Variants in DGKI observed in about 807,000 individuals in gnomAD.
DGKI encodes DAG kinase iota.
Under a neutral mutation model 147.5 loss-of-function variants are expected in DGKI, and 55 were observed. The ratio of observed to expected loss-of-function variants is 0.37; its 90% confidence interval spans 0.30 to 0.47. The LOEUF is 0.47. Ranked by LOEUF, DGKI falls within the 20% of genes least tolerant of loss-of-function variation. The pLI is 1.00. For missense variants in DGKI, 1,007 were observed against 1,323.8 expected (o/e 0.76, Z 3.71); for synonymous variants, 469 against 477.1 (o/e 0.98, Z 0.22).
At chr7:137,429,673 C>G (rs1421547275) in intron 28 of DGKI, among the ~76,000 whole-genome samples, 1 of 150,828 alleles carries the variant, frequency 6.6e-6, no homozygotes, top group Admixed American at 6.6e-5. Flanking sequence ...GGGCTAATAT[C>G]CAGAATCTAC....
intron 1 of DGKI, among the ~76,000 whole-genome samples, chr7:137,702,474 C>A (rs1585387778): frequency 1.3e-5 from 2 of 152,220 alleles, no homozygotes; most frequent in South Asian, 4.1e-4. Flanking sequence ...CAATAATGGG[C>A]AAAATCATTT....
Position 137,577,291 on chromosome 7 carries a change from C to A in DGKI, c.1699-7G>T. 3.8e-6 allele frequency: 6 copies of A among 1,585,606 alleles called. No homozygotes were observed. Among genetic ancestry groups the A allele is most frequent in the Non-Finnish European group, 5.2e-6 (6 of 1,159,898 alleles). Reference sequence around the variant, plus strand: ...GGAAGTCAGAAAAAGCTGCCTATACCACAGGGAAATAAAGAAGAAGAAATT... The same window carrying A: ...GGAAGTCAGAAAAAGCTGCCTATACAACAGGGAAATAAAGAAGAAGAAATT... On this transcript the variant is annotated splice_polypyrimidine_tract_variant and splice_region_variant and intron_variant, in intron 16 of 32. Coordinates refer to ENST00000614521, the MANE Select transcript of DGKI (RefSeq NM_001321708.2).
intron 1 of DGKI, among the ~76,000 whole-genome samples, chr7:137,704,479 A>T (rs992562151): frequency 6.6e-6 from 1 of 152,174 alleles, no homozygotes; most frequent in Admixed American, 6.5e-5. Context: ...AGACAGGAAA[A>T]AAAAGGGGAT....
At chr7:137,821,219 C>T (rs1797887355) in intron 1 of DGKI, among the ~76,000 whole-genome samples, 1 of 152,084 alleles carries the variant, frequency 6.6e-6, no homozygotes. Context: ...GCTTCACGTC[C>T]GTAGTTACTG....
rs187419512 is a variant in DGKI, at chr7:137,638,452, A to G, written c.804+7020T>C. ...ACTATATATATATATATACACACAC[A>G]CATATATATGTGTGTATATATGTGT... On this transcript the variant is annotated intron_variant, in intron 6 of 32. Transcript: ENST00000614521. Among the ~76,000 whole-genome samples, 365 of 87,970 alleles carry G rather than the reference A, an allele frequency of 4.1e-3. 11 individuals are homozygous for G. Among genetic ancestry groups the G allele is most frequent in the African/African-American group, 0.016 (340 of 21,154 alleles). The allele number at this position is 87,970 out of a possible 152,430, so 57.7% of individuals were successfully genotyped here. A position where few individuals can be genotyped will look rare whatever the true frequency, so the allele number is the denominator to read the frequency against.
intron 1 of DGKI, among the ~76,000 whole-genome samples, chr7:137,772,788 A>G (rs940619928): frequency 2.6e-5 from 4 of 152,244 alleles, no homozygotes; most frequent in African/African-American, 9.6e-5. Context: ...TATTGTTTGC[A>G]TTAAAAGTTA....
intron 14 of DGKI, among the ~76,000 whole-genome samples, chr7:137,582,434 C>CTCTCTATATA (rs954743154): frequency 2.7e-5 from 4 of 148,382 alleles, no homozygotes; most frequent in African/African-American, 1.0e-4. Flanking sequence ...CTCTCTCTCT[C>CTCTCTATATA]TATATATATA....
chr7:137,813,778 G>A (rs748234606), intron 1 of DGKI, among the ~76,000 whole-genome samples: 39 of 152,202 alleles, frequency 2.6e-4, no homozygotes, highest in Admixed American at 2.4e-3. Flanking sequence ...CTCAAATGTA[G>A]TGATTTTTCT....
chr7:137,806,071 C>G (rs1415837827), intron 1 of DGKI, among the ~76,000 whole-genome samples: 1 of 152,242 alleles, frequency 6.6e-6, no homozygotes, highest in Non-Finnish European at 1.5e-5. Flanking sequence ...GCAAAAACAA[C>G]TCTTCAACCT....
chr7:137,703,288 G>A (rs1388688168), intron 1 of DGKI, among the ~76,000 whole-genome samples: 1 of 152,154 alleles, frequency 6.6e-6, no homozygotes, highest in Non-Finnish European at 1.5e-5. Flanking sequence ...CACGAGAACA[G>A]CAAAGAGGAA....
In DGKI at chr7:137,386,669, C is replaced by T. The variant is rs1300743452; in HGVS notation, c.*4551G>A. 1 of 151,968 alleles carries T rather than the reference C, an allele frequency of 6.6e-6. No homozygotes were observed. Among genetic ancestry groups the T allele is most frequent in the African/African-American group, 2.4e-5 (1 of 41,364 alleles). 9.4% of individuals were successfully genotyped at this position (151,968 alleles called of 1,614,324 possible). A position where few individuals can be genotyped will look rare whatever the true frequency, so the allele number is the denominator to read the frequency against. ...CGCTATGGCCCAAAACTTAGAGAGA[C>T]AAGAGATAATGGATGACTGGGGACA... On this transcript the variant is annotated 3_prime_UTR_variant, in exon 33 of 33. Transcript: ENST00000614521.
chr7:137,676,966 A>C (rs555247987), intron 3 of DGKI, among the ~76,000 whole-genome samples: 36 of 152,346 alleles, frequency 2.4e-4, no homozygotes, highest in Non-Finnish European at 4.9e-4. Flanking sequence ...GAAATTGTTC[A>C]AAAGTATATA....
At chr7:137,750,073 A>G (rs75334715) in intron 1 of DGKI, among the ~76,000 whole-genome samples, 22 of 152,204 alleles carry the variant, frequency 1.4e-4, no homozygotes, top group African/African-American at 5.3e-4. Context: ...GTAAGAGGCA[A>G]CTGGACAAAA....
chr7:137,514,493 GC>G (rs1240419660), intron 21 of DGKI, among the ~76,000 whole-genome samples: 1 of 152,134 alleles, frequency 6.6e-6, no homozygotes, highest in African/African-American at 2.4e-5. Context: ...CAGCTAGACA[GC>G]TTTTATGAGT....
intron 1 of DGKI, among the ~76,000 whole-genome samples, chr7:137,725,255 G>A (rs1407990757): frequency 6.6e-6 from 1 of 152,148 alleles, no homozygotes; most frequent in Non-Finnish European, 1.5e-5. Context: ...CGGGAGAAGT[G>A]ATAAATCAGT....
intron 25 of DGKI, 104 bp from the exon 26 acceptor site, chr7:137,466,139 T>C (rs1814649662): frequency 5.8e-6 from 8 of 1,388,022 alleles, no homozygotes; most frequent in African/African-American, 2.9e-5. Context: ...TCACACTGTG[T>C]TGTCAGAAGC....
intron 21 of DGKI, among the ~76,000 whole-genome samples, chr7:137,514,992 T>A (rs547786137): frequency 1.3e-5 from 2 of 152,160 alleles, no homozygotes; most frequent in Non-Finnish European, 1.5e-5. Context: ...GCCCCCTCCA[T>A]GTGCTGACCC....
At chr7:137,714,428 T>C (rs2116581096) in intron 1 of DGKI, among the ~76,000 whole-genome samples, 1 of 152,358 alleles carries the variant, frequency 6.6e-6, no homozygotes, top group Non-Finnish European at 1.5e-5. Context: ...TCTATTTCTT[T>C]ATACCTATTT....
At chr7:137,701,126 A>G (rs1163254244) in intron 1 of DGKI, among the ~76,000 whole-genome samples, 2 of 151,990 alleles carry the variant, frequency 1.3e-5, no homozygotes, top group Non-Finnish European at 2.9e-5. Flanking sequence ...CTAGACTCTA[A>G]TACTTCACAT....
Sources: gnomAD v4.1 joint callset for allele counts (sites outside exome capture counted in the v4.1 genomes callset) on GRCh38, gnomAD v4.1.1 for gene constraint, MANE v1.5 for transcripts, NCBI Gene and HGNC (gene_info 2026-07-23, HGNC 2026-07-21) for gene names.